Variants in EPHA2 observed in about 807,000 individuals in gnomAD.
EPHA2 encodes the protein ephrin type-A receptor 2.
A neutral mutation model predicts 104.9 loss-of-function variants in EPHA2; 54 were observed. The observed-to-expected ratio is 0.51, with a 90% CI of 0.41 to 0.65. EPHA2 has a LOEUF of 0.65. Among genes scored for constraint, EPHA2 ranks in the 30% least tolerant of loss-of-function variants. The pLI is 0.00. For missense variants in EPHA2, 1,117 were observed against 1,369.5 expected (o/e 0.82, Z 2.91); for synonymous variants, 560 against 559.1 (o/e 1.00, Z -0.02).
chr1:16,131,673 G>C lies in EPHA2; in HGVS notation c.2475+48C>G. 1 of 1,612,826 alleles carries C rather than the reference G, an allele frequency of 6.2e-7. No individual in the cohort carries two copies. The highest frequency in any genetic ancestry group is 8.5e-7 in the Non-Finnish European group (1 of 1,179,542). ...CCCCTGCAGTTTGAGATGAGTAAAG[G>C]GCTTGAGTTCAGGTCCGGACAGGCC... is the stretch of plus-strand genomic sequence containing the variant. On this transcript the variant is annotated intron_variant, in intron 14 of 16. Transcript: ENST00000358432. The surrounding 1 kb of genome is among the most constrained non-coding windows in gnomAD (Gnocchi z 5.2).
At chr1:16,136,303 A>AAATAATAATAATAATAATAAT (rs35523202) in intron 5 of EPHA2, among the ~76,000 whole-genome samples, 20 of 140,984 alleles carry the variant, frequency 1.4e-4, no homozygotes, top group African/African-American at 3.6e-4. Context: ...ACGAGTGCAT[A>AAATAATAATAATAATAATAAT]AATAATAATA....
At position 16,130,614 on chromosome 1, in the gene EPHA2, G is replaced by A. The variant is rs548230245; in HGVS notation, c.2476-195C>T. Among the ~76,000 whole-genome samples, 7 of 152,006 alleles carry A rather than the reference G, an allele frequency of 4.6e-5. No individual in the cohort carries two copies. The highest frequency in any genetic ancestry group is 1.4e-4 in the African/African-American group (6 of 41,414). ...GCAAATGCCTAAGGGTCTGTGTCCA[G>A]AGTTCACTGGAAGGGACTTTTTTTT... On this transcript the variant is annotated intron_variant, in intron 14 of 16. Transcript: ENST00000358432. The surrounding 1 kb of genome is among the most constrained non-coding windows in gnomAD (Gnocchi z 4.5).
chr1:16,147,643 A>T (rs1252044049), intron 3 of EPHA2, among the ~76,000 whole-genome samples: 3 of 151,452 alleles, frequency 2.0e-5, no homozygotes, highest in Non-Finnish European at 4.4e-5. Context: ...TGTGGCAGGC[A>T]CTGACCTAAG....
chr1:16,141,690 C>T (rs2024827017), intron 3 of EPHA2, among the ~76,000 whole-genome samples: 1 of 152,278 alleles, frequency 6.6e-6, no homozygotes, highest in African/African-American at 2.4e-5. Flanking sequence ...CGACTCCCCA[C>T]CGTGTGGCTG....
At chr1:16,133,803 C>G (rs900558225) in intron 9 of EPHA2, 57 bp downstream of exon 9, 9 of 1,506,862 alleles carry the variant, frequency 6.0e-6, no homozygotes, top group African/African-American at 5.6e-5. Flanking sequence ...CCACCTCCCC[C>G]ACAGAGCTGG....
At chr1:16,133,807 G>A (rs2024627885) in intron 9 of EPHA2, 53 bp downstream of exon 9, 2 of 1,512,448 alleles carry the variant, frequency 1.3e-6, no homozygotes, top group Non-Finnish European at 1.8e-6. Context: ...CTCCCCCACA[G>A]AGCTGGGGAC....
At chr1:16,129,139 C>T (rs2024525089) in intron 16 of EPHA2, among the ~76,000 whole-genome samples, 1 of 150,788 alleles carries the variant, frequency 6.6e-6, no homozygotes, top group South Asian at 2.1e-4. Flanking sequence ...TCAAAGTGCT[C>T]AAGCAGAGAC....
intron 3 of EPHA2, among the ~76,000 whole-genome samples, chr1:16,145,691 G>C (rs2024919863): frequency 6.6e-6 from 1 of 152,062 alleles, no homozygotes; most frequent in African/African-American, 2.4e-5. Flanking sequence ...CCCTGCAACA[G>C]ACCCTGCCAT....
chr1:16,145,914 A>G (rs1434415704), intron 3 of EPHA2, among the ~76,000 whole-genome samples: 1 of 152,194 alleles, frequency 6.6e-6, no homozygotes, highest in Non-Finnish European at 1.5e-5. Context: ...TGGTCTATCA[A>G]ATGGGATTGA....
At chr1:16,146,393 G>T (rs953373377) in intron 3 of EPHA2, 2 of 152,004 alleles carry the variant, frequency 1.3e-5, no homozygotes, top group Non-Finnish European at 2.9e-5. Flanking sequence ...CACCCCAACC[G>T]TCCACTTATC....
Position 16,138,116 on chromosome 1 carries a change from G to T in EPHA2, c.1049C>A (p.Pro350His). 6.2e-7 allele frequency: 1 copy of T among 1,609,404 alleles called. No homozygotes were observed. Among genetic ancestry groups the T allele is most frequent in the South Asian group, 1.1e-5 (1 of 91,066 alleles). Residue 350 changes from proline to histidine, a missense_variant, in exon 5 of 17, where the codon CCC (proline) becomes CAC (histidine). Coordinates refer to ENST00000358432, the MANE Select transcript of EPHA2 (RefSeq NM_004431.5). ...MGAKVELRWT[P>H]PQDSGGREDI... Reference sequence around the variant, plus strand: ...CTCGCGGCCCCCGCTGTCCTGAGGGGGCGTCCAGCGCAGCTCCACCTTGGC... The same window carrying T: ...CTCGCGGCCCCCGCTGTCCTGAGGGTGCGTCCAGCGCAGCTCCACCTTGGC...
intron 5 of EPHA2, among the ~76,000 whole-genome samples, chr1:16,137,297 TA>T (rs113394862): frequency 1.9e-3 from 268 of 139,976 alleles, no homozygotes; most frequent in Middle Eastern, 7.2e-3. Flanking sequence ...GGTGATGAGC[TA>T]AAAAAAAAAA....
chr1:16,136,309 TAA>T (rs753343211), intron 5 of EPHA2, among the ~76,000 whole-genome samples: 51 of 140,920 alleles, frequency 3.6e-4, no homozygotes, highest in Non-Finnish European at 2.2e-4. Flanking sequence ...GCATAAATAA[TAA>T]TAATAATAAT....
chr1:16,139,929 C>T (rs2024790247), intron 3 of EPHA2, among the ~76,000 whole-genome samples: 1 of 152,188 alleles, frequency 6.6e-6, no homozygotes, highest in Non-Finnish European at 1.5e-5. Context: ...GTCCAAGACC[C>T]TGGGGACAAC....
At chr1:16,153,558 C>G (rs2025086504) in intron 1 of EPHA2, among the ~76,000 whole-genome samples, 1 of 152,196 alleles carries the variant, frequency 6.6e-6, no homozygotes, top group African/African-American at 2.4e-5. Flanking sequence ...ACACCAACCA[C>G]AAAGCAGGCA....
intron 3 of EPHA2, among the ~76,000 whole-genome samples, chr1:16,141,282 G>A (rs1371736425): frequency 1.3e-5 from 2 of 152,078 alleles, no homozygotes; most frequent in Non-Finnish European, 2.9e-5. Flanking sequence ...GCCCAGGGGG[G>A]TTGGTTGGGG....
In EPHA2 at chr1:16,134,309, G is replaced by A. The variant is rs575764542; in HGVS notation, c.1682+159C>T. Among the ~76,000 whole-genome samples the A allele has an allele frequency of 2.0e-5, 3 of 152,264 alleles. No homozygotes were observed. The highest frequency in any genetic ancestry group is 7.2e-5 in the African/African-American group (3 of 41,540). On this transcript the variant is annotated intron_variant, in intron 8 of 16. Transcript: ENST00000358432. The surrounding 1 kb of genome is among the most constrained non-coding windows in gnomAD (Gnocchi z 4.5). ...GGCCCCGCCGCGTGCCAGGCACTTC[G>A]CTACACACTCTAACTCGTATATCCT...
intron 3 of EPHA2, among the ~76,000 whole-genome samples, chr1:16,145,902 C>T (rs1260369654): frequency 1.3e-5 from 2 of 152,222 alleles, no homozygotes; most frequent in South Asian, 2.1e-4. Context: ...ACCTCAGTTT[C>T]CTGGTCTATC....
rs6678616 is a variant in EPHA2, at chr1:16,148,628, C to T, written c.573G>A (p.Leu191=). 514,540 of 1,607,608 alleles carry T rather than the reference C, an allele frequency of 0.32. 86,756 individuals are homozygous for T. Among genetic ancestry groups the T allele is most frequent in the Middle Eastern group, 0.45 (2,730 of 6,060 alleles). The change falls in exon 3 of 17, where the codon CTG becomes CTA. Residue 191 remains leucine, a synonymous_variant. Transcript: ENST00000358432. This position sits in a 1 kb window ranked among gnomAD's most constrained non-coding sequence, Gnocchi z 4.9. ...TCTTGTAGTAGACACGGACGGAGAG[C>T]AGCGCCACACAGGCACCGATATCCT... The part of the protein sequence containing the change: ...AFQDIGACVA[L]LSVRVYYKKC...
Sources: allele counts gnomAD v4.1 joint callset (sites outside exome capture counted in the v4.1 genomes callset), GRCh38; gene constraint gnomAD v4.1.1; non-coding constraint Gnocchi (gnomAD v3.1); transcripts MANE v1.5; gene names NCBI Gene and HGNC (gene_info 2026-07-23, HGNC 2026-07-21).